The following DRC5 variants were observed in gnomAD, a reference collection of about 807,000 sequenced individuals.
The protein encoded by DRC5 is dynein regulatory complex subunit 5.
At chr6:44,282,457 T>G in the DRC5 span, 1 of 1,613,290 alleles carries the variant, frequency 6.2e-7, no homozygotes, top group Non-Finnish European at 8.5e-7. Flanking sequence ...CCAATGAGGT[T>G]TTGTGACAAG....
At chr6:44,280,275 T>C in the DRC5 span, 6 of 1,614,156 alleles carry the variant, frequency 3.7e-6, no homozygotes, top group Non-Finnish European at 5.1e-6. Flanking sequence ...TCGGTTTGCG[T>C]AGAGGGCCTG....
chr6:44,290,828 G>A, the DRC5 span, among the ~76,000 whole-genome samples: 1 of 152,044 alleles, frequency 6.6e-6, no homozygotes, highest in Non-Finnish European at 1.5e-5. Context: ...CTGGCAGGCA[G>A]TCCCTTCTCC....
chr6:44,293,101 A>G, the DRC5 span, among the ~76,000 whole-genome samples: 1 of 152,130 alleles, frequency 6.6e-6, no homozygotes, highest in East Asian at 1.9e-4. Flanking sequence ...AAAGAGTTCA[A>G]TGGGATAGCT....
chr6:44,282,149 T>C, the DRC5 span: 1 of 1,613,606 alleles, frequency 6.2e-7, no homozygotes, highest in Non-Finnish European at 8.5e-7. Context: ...TGCTGGTGAG[T>C]GTGGTGTTGA....
At chr6:44,287,546 C>T in the DRC5 span, 2 of 1,602,558 alleles carry the variant, frequency 1.2e-6, no homozygotes, top group Admixed American at 1.7e-5. Context: ...GGGACAGACT[C>T]ACTCTGGAAG....
chr6:44,284,887 C>A, the DRC5 span, among the ~76,000 whole-genome samples: 1 of 152,232 alleles, frequency 6.6e-6, no homozygotes, highest in Non-Finnish European at 1.5e-5. Context: ...TCCTCCCTCA[C>A]AGACGGAGTG....
At chr6:44,282,376 T>C in the DRC5 span, 1 of 1,614,184 alleles carries the variant, frequency 6.2e-7, no homozygotes, top group African/African-American at 1.3e-5. Context: ...CGCACCTGGT[T>C]GTTAGCCAGG....
chr6:44,285,985 G>C, the DRC5 span: 5 of 1,613,796 alleles, frequency 3.1e-6, no homozygotes, highest in Non-Finnish European at 4.2e-6. Flanking sequence ...GGCATGCCTT[G>C]ATGGCGGCTG....
At chr6:44,282,206 A>T in the DRC5 span, 1 of 1,614,170 alleles carries the variant, frequency 6.2e-7, no homozygotes, top group South Asian at 1.1e-5. Flanking sequence ...CAGACAGCTC[A>T]TTGCCACCGA....
the DRC5 span, among the ~76,000 whole-genome samples, chr6:44,296,327 G>A: frequency 1.6e-4 from 24 of 152,288 alleles, no homozygotes; most frequent in African/African-American, 5.5e-4. Context: ...AATAGTCCAG[G>A]CTCCCTCTTC....
the DRC5 span, among the ~76,000 whole-genome samples, chr6:44,291,546 T>G: frequency 6.6e-6 from 1 of 152,154 alleles, no homozygotes; most frequent in Non-Finnish European, 1.5e-5. Context: ...CTCTCTTGGC[T>G]CTCCTCCTAC....
chr6:44,279,111 C>T, the DRC5 span: 1 of 152,294 alleles, frequency 6.6e-6, no homozygotes, highest in Non-Finnish European at 1.5e-5. Flanking sequence ...GTTCTGGAGG[C>T]TCTGGGCCAA....
At chr6:44,287,791 T>C in the DRC5 span, 2 of 1,613,446 alleles carry the variant, frequency 1.2e-6, no homozygotes, top group African/African-American at 1.3e-5. Context: ...GTGGCTGGGG[T>C]CCAACAATGC....
the DRC5 span, among the ~76,000 whole-genome samples, chr6:44,296,916 AC>A: frequency 6.6e-6 from 1 of 152,228 alleles, no homozygotes. Context: ...AGGGCAAAAA[AC>A]TTTCTCCAAC....
At chr6:44,294,772 C>CAA in the DRC5 span, among the ~76,000 whole-genome samples, 22,128 of 87,916 alleles carry the variant, frequency 0.25, 3,378 homozygotes, top group East Asian at 0.46. Flanking sequence ...AACTCTGTCT[C>CAA]AAAAAAAAAA....
the DRC5 span, among the ~76,000 whole-genome samples, chr6:44,290,357 G>A: frequency 6.6e-6 from 1 of 152,098 alleles, no homozygotes; most frequent in East Asian, 1.9e-4. Flanking sequence ...TGAGATAATG[G>A]TCGGTTAATA....
the DRC5 span, chr6:44,280,268 G>A: frequency 1.9e-6 from 3 of 1,614,246 alleles, no homozygotes; most frequent in Non-Finnish European, 2.5e-6. Flanking sequence ...CTGCTTCTCG[G>A]TTTGCGTAGA....
the DRC5 span, among the ~76,000 whole-genome samples, chr6:44,294,130 G>A: frequency 3.3e-5 from 5 of 151,950 alleles, no homozygotes; most frequent in Non-Finnish European, 7.4e-5. Context: ...TTACAGGCAT[G>A]CACCACCACG....
At chr6:44,296,199 A>C in the DRC5 span, among the ~76,000 whole-genome samples, 1 of 152,182 alleles carries the variant, frequency 6.6e-6, no homozygotes, top group South Asian at 2.1e-4. Flanking sequence ...TTGCTTATAA[A>C]TTGCTCCCAA....
Sources: allele counts gnomAD v4.1 joint callset (sites outside exome capture counted in the v4.1 genomes callset), GRCh38; gene constraint gnomAD v4.1.1; transcripts MANE v1.5; gene names NCBI Gene and HGNC (gene_info 2026-07-23, HGNC 2026-07-21).